Variants in SLC39A11 observed in about 807,000 individuals in gnomAD.
SLC39A11 encodes the protein solute carrier family 39 member 11, also known as zinc transporter ZIP11.
SLC39A11 carries 33 observed loss-of-function variants against 36.1 expected under a neutral mutation model. The observed-to-expected ratio is 0.91, with a 90% confidence interval of 0.69 to 1.22. The LOEUF (loss-of-function observed/expected upper bound fraction) is 1.22. SLC39A11 is among the 50% of genes most tolerant of loss of function. The probability of loss-of-function intolerance (pLI) is 0.00; values close to 1 mark genes in which losing one functional copy is unlikely to be tolerated. For synonymous variants in SLC39A11, 166 were observed against 170.3 expected, an observed-to-expected ratio of 0.97 and a Z score of 0.20; for missense variants, 432 against 430.3, an observed-to-expected ratio of 1.00 and a Z score of -0.03.
intron 6 of SLC39A11, among the ~76,000 whole-genome samples, chr17:72,797,885 G>C (rs2076946135): frequency 6.6e-6 from 1 of 152,130 alleles, no homozygotes; most frequent in South Asian, 2.1e-4. Context: ...CTAGAAGAAG[G>C]AGTTTGCATC....
At chr17:73,083,027 A>AAAAG (rs1480798138) in intron 3 of SLC39A11, among the ~76,000 whole-genome samples, 2 of 151,360 alleles carry the variant, frequency 1.3e-5, no homozygotes, top group East Asian at 3.9e-4. Context: ...AAAAAAAAAA[A>AAAAG]AAAAAAAATG....
intron 5 of SLC39A11, among the ~76,000 whole-genome samples, chr17:72,880,572 G>T (rs1567874654): frequency 6.6e-6 from 1 of 151,990 alleles, no homozygotes; most frequent in Non-Finnish European, 1.5e-5. Flanking sequence ...GAAAAGAAAA[G>T]AAAAGAACTT....
intron 5 of SLC39A11, among the ~76,000 whole-genome samples, chr17:72,919,445 G>A (rs1213321972): frequency 6.6e-6 from 1 of 152,038 alleles, no homozygotes. Flanking sequence ...GGCTTTTGAT[G>A]ATACCTAGCA....
intron 4 of SLC39A11, among the ~76,000 whole-genome samples, chr17:73,024,714 T>C (rs2058470422): frequency 6.6e-6 from 1 of 152,046 alleles, no homozygotes; most frequent in Non-Finnish European, 1.5e-5. Flanking sequence ...CATTTTTTTT[T>C]TTAGACAAAG....
intron 6 of SLC39A11, among the ~76,000 whole-genome samples, chr17:72,794,919 C>T (rs868673168): frequency 5.9e-5 from 9 of 152,108 alleles, no homozygotes; most frequent in Admixed American, 3.9e-4. Flanking sequence ...TCAACATCCA[C>T]GACATTAGCA....
chr17:72,798,832 C>T (rs547421987), intron 6 of SLC39A11, among the ~76,000 whole-genome samples: 3 of 152,194 alleles, frequency 2.0e-5, no homozygotes, highest in Non-Finnish European at 2.9e-5. Flanking sequence ...GTGAGGGACA[C>T]AAGCATTCAG....
At chr17:72,647,689 T>C (rs1366622831) in intron 9 of SLC39A11, 27 bp from the exon 10 acceptor site, 2 of 1,602,356 alleles carry the variant, frequency 1.2e-6, no homozygotes, top group African/African-American at 2.7e-5. Flanking sequence ...GGAAGAAAAG[T>C]AAGACCTTAA....
At chr17:72,771,905 G>C (rs1429240852) in intron 6 of SLC39A11, among the ~76,000 whole-genome samples, 1 of 152,212 alleles carries the variant, frequency 6.6e-6, no homozygotes, top group African/African-American at 2.4e-5. Context: ...GCAAGGCACA[G>C]AGGCTGCCCT....
chr17:73,076,842 A>C, intron 3 of SLC39A11, among the ~76,000 whole-genome samples: 1 of 138,216 alleles, frequency 7.2e-6, no homozygotes, highest in African/African-American at 2.7e-5. Flanking sequence ...TCCACATTCT[A>C]CTCTCTGGCT....
chr17:72,861,533 A>G lies in SLC39A11; in HGVS notation c.431-11729T>C, dbSNP rs1229575593. On this transcript the variant is annotated intron_variant, in intron 5 of 9. Transcript: ENST00000255559. The stretch of plus-strand genomic sequence containing the variant: ...AGTAGGTCGCTAGCATCCTTAAAGC[A>G]TGCTGGCTGGCTGGTTATCCAGAGC... Among the ~76,000 whole-genome samples, 3 of 151,528 alleles carry G rather than the reference A, an allele frequency of 2.0e-5. No individual in the cohort carries two copies. The East Asian group carries it at 5.9e-4, about 30-fold the overall frequency.
At chr17:72,765,943 A>G (rs1297916530) in intron 6 of SLC39A11, among the ~76,000 whole-genome samples, 1 of 152,180 alleles carries the variant, frequency 6.6e-6, no homozygotes, top group Non-Finnish European at 1.5e-5. Flanking sequence ...CCAGCTGAGT[A>G]ATGATCTACA....
chr17:73,034,404 TAG>T (rs2058836509), intron 3 of SLC39A11, among the ~76,000 whole-genome samples: 1 of 152,202 alleles, frequency 6.6e-6, no homozygotes. Flanking sequence ...GTATTTTTAG[TAG>T]AGACAGGGTT....
chr17:72,826,368 C>G (rs367671884), intron 6 of SLC39A11, among the ~76,000 whole-genome samples: 4 of 152,258 alleles, frequency 2.6e-5, no homozygotes, highest in South Asian at 4.1e-4. Context: ...AACTGTGAGC[C>G]AATTAAACCT....
intron 7 of SLC39A11, chr17:72,712,784 A>T (rs2567498): frequency 0.27 from 41,143 of 151,928 alleles, 6,811 homozygotes; most frequent in African/African-American, 0.47. Context: ...AACATTTTTT[A>T]AAAAAATTTT....
chr17:72,699,992 G>C (rs1051669639), intron 7 of SLC39A11, among the ~76,000 whole-genome samples: 4 of 152,156 alleles, frequency 2.6e-5, no homozygotes, highest in Non-Finnish European at 5.9e-5. Flanking sequence ...CCTCCAGAGT[G>C]GTACTTCTGG....
intron 7 of SLC39A11, among the ~76,000 whole-genome samples, chr17:72,658,966 A>G (rs2070280149): frequency 6.6e-6 from 1 of 152,046 alleles, no homozygotes; most frequent in African/African-American, 2.4e-5. Context: ...TTCCCCCCAG[A>G]CTGGTGACCT....
chr17:72,836,381 C>T (rs1486885533), intron 6 of SLC39A11, among the ~76,000 whole-genome samples: 2 of 150,770 alleles, frequency 1.3e-5, no homozygotes, highest in Non-Finnish European at 2.9e-5. Flanking sequence ...CGCTCTGTTA[C>T]CCAGGCTGGA....
chr17:73,075,663 G>A (rs974114908), intron 3 of SLC39A11, among the ~76,000 whole-genome samples: 2 of 152,136 alleles, frequency 1.3e-5, no homozygotes. Flanking sequence ...GACCAGCCTG[G>A]CCAACATGGC....
intron 5 of SLC39A11, among the ~76,000 whole-genome samples, chr17:72,904,633 A>T (rs928046906): frequency 9.2e-5 from 14 of 152,186 alleles, no homozygotes; most frequent in African/African-American, 2.9e-4. Context: ...AGTTGGCCTG[A>T]GGAACCCTCT....
Sources: allele counts gnomAD v4.1 joint callset (sites outside exome capture counted in the v4.1 genomes callset), GRCh38; gene constraint gnomAD v4.1.1; transcripts MANE v1.5; gene names NCBI Gene and HGNC (gene_info 2026-07-23, HGNC 2026-07-21).